The following PTPRK variants were observed in gnomAD, a reference collection of about 807,000 sequenced individuals.
PTPRK encodes the protein receptor-type tyrosine-protein phosphatase kappa.
Under a neutral mutation model 178.0 loss-of-function variants are expected in PTPRK, and 75 were observed. The observed-to-expected ratio is 0.42, with a 90% confidence interval of 0.35 to 0.51. The LOEUF (loss-of-function observed/expected upper bound fraction) is 0.51, where lower values mean the gene tolerates loss of function less well. Among genes scored for constraint, PTPRK ranks in the 20% least tolerant of loss-of-function variants. The pLI is 0.02. For synonymous variants in PTPRK, 637 were observed against 620.6 expected, an observed-to-expected ratio of 1.03 and a Z score of -0.39; for missense variants, 1,441 against 1,797.8, an observed-to-expected ratio of 0.80 and a Z score of 3.59.
chr6:128,411,505 A>T (rs1014357785), intron 1 of PTPRK, among the ~76,000 whole-genome samples: 3 of 152,180 alleles, frequency 2.0e-5, no homozygotes, highest in African/African-American at 7.2e-5. Flanking sequence ...CAATGATCAA[A>T]TCTATTCTCT....
intron 13 of PTPRK, among the ~76,000 whole-genome samples, chr6:128,010,364 G>A (rs573536134): frequency 3.3e-5 from 5 of 151,342 alleles, no homozygotes; most frequent in East Asian, 2.0e-4. Flanking sequence ...GAACAGATAC[G>A]CAAAGAAATC....
Position 127,981,179 on chromosome 6 carries a change from A to G in PTPRK, c.3648T>C (p.Cys1216=). The G allele has an allele frequency of 6.2e-7, 1 of 1,613,990 alleles. No individual in the cohort carries two copies. The change falls in exon 25 of 30, where the codon TGT becomes TGC. Residue 1216 remains cysteine, a synonymous_variant. Transcript: ENST00000368226. ...CATCAATTGTAATTAAAAAAGGCAG[A>G]CATCTGTCAGGTGGCAGCATGTCCA... The part of the protein sequence containing the change: ...RFMDMLPPDR[C]LPFLITIDGE...
intron 1 of PTPRK, among the ~76,000 whole-genome samples, chr6:128,464,640 T>TATATATATATATATATATATACACAC (rs1849557905): frequency 2.0e-5 from 1 of 51,170 alleles, no homozygotes; most frequent in African/African-American, 1.3e-4. Context: ...TATATACACA[T>TATATATATATATATATATATACACAC]ATATATATAT....
intron 7 of PTPRK, among the ~76,000 whole-genome samples, chr6:128,151,027 T>C (rs141699574): frequency 6.6e-6 from 1 of 152,154 alleles, no homozygotes; most frequent in African/African-American, 2.4e-5. Context: ...AAACAAAATA[T>C]TAAAGGAATA....
chr6:128,487,145 A>G (rs1853060230), intron 1 of PTPRK, among the ~76,000 whole-genome samples: 2 of 143,348 alleles, frequency 1.4e-5, no homozygotes, highest in East Asian at 2.1e-4. Flanking sequence ...GGAAAGCTGC[A>G]TGTTGTGAGC....
At chr6:128,412,393 A>G (rs1472572872) in intron 1 of PTPRK, among the ~76,000 whole-genome samples, 1 of 152,238 alleles carries the variant, frequency 6.6e-6, no homozygotes, top group Non-Finnish European at 1.5e-5. Flanking sequence ...GAGGAAACTA[A>G]GGTAGAGAGA....
chr6:128,313,003 T>C (rs1239922721), intron 3 of PTPRK, among the ~76,000 whole-genome samples: 2 of 152,126 alleles, frequency 1.3e-5, no homozygotes, highest in Non-Finnish European at 2.9e-5. Context: ...GCATATAAAA[T>C]AATTCTAACT....
chr6:128,331,946 T>A (rs1830335456), intron 2 of PTPRK, among the ~76,000 whole-genome samples: 1 of 152,100 alleles, frequency 6.6e-6, no homozygotes, highest in African/African-American at 2.4e-5. Context: ...CCAGTTTACA[T>A]TTGAAAATAG....
intron 11 of PTPRK, among the ~76,000 whole-genome samples, chr6:128,069,800 A>C (rs1782503770): frequency 1.3e-5 from 2 of 152,132 alleles, no homozygotes; most frequent in Non-Finnish European, 1.5e-5. Context: ...TACATTACAA[A>C]TTAAGGATAC....
At chr6:128,094,814 G>A (rs185880811) in intron 7 of PTPRK, among the ~76,000 whole-genome samples, 5 of 152,008 alleles carry the variant, frequency 3.3e-5, no homozygotes, top group Admixed American at 3.3e-4. Context: ...AGAGATAAGA[G>A]AAAGAAAAAG....
Position 127,982,912 on chromosome 6 carries a change from G to A in PTPRK, c.3456C>T (p.Val1152=). ...ACLCGETAIP[V]CEFKAAYFDM... is the part of the protein sequence containing the mutation. ...CAAAATATGCAGCTTTAAATTCACA[G>A]ACAGGTATGGCAGTTTCTCCACATA... is the stretch of plus-strand genomic sequence containing the variant. Residue 1152 remains valine, a synonymous_variant, in exon 24 of 30, where the codon GTC becomes GTT. Coordinates refer to ENST00000368226, the MANE Select transcript of PTPRK (RefSeq NM_002844.4). The A allele has an allele frequency of 6.2e-7, 1 of 1,612,162 alleles. No homozygotes were observed. Among genetic ancestry groups the A allele is most frequent in the African/African-American group, 1.3e-5 (1 of 74,978 alleles).
intron 7 of PTPRK, among the ~76,000 whole-genome samples, chr6:128,144,629 C>T (rs1208755185): frequency 6.6e-6 from 1 of 152,084 alleles, no homozygotes; most frequent in Non-Finnish European, 1.5e-5. Context: ...TTCAATAGCA[C>T]TTAAAATTCA....
intron 2 of PTPRK, among the ~76,000 whole-genome samples, chr6:128,358,306 G>A (rs1158172073): frequency 2.6e-5 from 4 of 152,188 alleles, no homozygotes; most frequent in South Asian, 4.1e-4. Flanking sequence ...GTGGTGAGGG[G>A]TGGCAGTGCT....
chr6:128,369,184 A>C (rs1447295758), intron 2 of PTPRK, among the ~76,000 whole-genome samples: 1 of 79,592 alleles, frequency 1.3e-5, no homozygotes, highest in South Asian at 4.2e-4. Context: ...GAAATTTTAC[A>C]GAATCATTTC....
chr6:128,168,677 C>T lies in PTPRK; in HGVS notation c.1162+15755G>A, dbSNP rs531495759. 2.4e-4 allele frequency among the ~76,000 whole-genome samples: 37 copies of T among 152,164 alleles called. 1 individual carries two copies. Among genetic ancestry groups the T allele is most frequent in the South Asian group, 1.4e-3 (7 of 4,832 alleles). On this transcript the variant is annotated intron_variant, in intron 7 of 29. Transcript: ENST00000368226. ...CTCCTTATGAGAATCTAACTAATGCCTGATGATCTGAGGTAGCAGCGTTGC... is the reference window on the plus strand; with the variant it reads ...CTCCTTATGAGAATCTAACTAATGCTTGATGATCTGAGGTAGCAGCGTTGC...
intron 1 of PTPRK, among the ~76,000 whole-genome samples, chr6:128,517,766 A>G (rs1463715354): frequency 6.6e-6 from 1 of 152,264 alleles, no homozygotes. Context: ...GATATCGGAA[A>G]GTAAACTGAT....
intron 1 of PTPRK, among the ~76,000 whole-genome samples, chr6:128,457,289 A>G (rs1181917923): frequency 6.6e-6 from 1 of 152,132 alleles, no homozygotes; most frequent in East Asian, 1.9e-4. Context: ...AAGGTTTACC[A>G]TATTCTTTTA....
chr6:128,288,631 CAAGT>C (rs900244175), intron 3 of PTPRK, among the ~76,000 whole-genome samples: 2 of 152,034 alleles, frequency 1.3e-5, no homozygotes, highest in African/African-American at 4.8e-5. Flanking sequence ...GTTAGAATTA[CAAGT>C]AAGATACCCC....
intron 3 of PTPRK, among the ~76,000 whole-genome samples, chr6:128,277,974 T>A (rs1429748096): frequency 6.6e-6 from 1 of 152,098 alleles, no homozygotes; most frequent in Non-Finnish European, 1.5e-5. Context: ...TTGAGTTTGT[T>A]TTAAAAGAAA....
Sources: allele counts gnomAD v4.1 joint callset (sites outside exome capture counted in the v4.1 genomes callset), GRCh38; gene constraint gnomAD v4.1.1; transcripts MANE v1.5; gene names NCBI Gene and HGNC (gene_info 2026-07-23, HGNC 2026-07-21).